The following ARL10 variants were observed in gnomAD, a reference collection of about 807,000 sequenced individuals.
ARL10 encodes the protein ARF like GTPase 10.
A neutral mutation model predicts 26.1 loss-of-function variants in ARL10; 23 were observed. That is an observed-to-expected ratio of 0.88 (90% CI 0.63 to 1.25). ARL10 has a LOEUF of 1.25. Among genes scored for constraint, ARL10 ranks in the 50% most tolerant of loss-of-function variants. ARL10 has a pLI of 0.00. For synonymous variants in ARL10, 138 were observed against 149.1 expected (o/e 0.93, Z 0.54); for missense variants, 300 against 323.6 (o/e 0.93, Z 0.56).
At chr5:176,407,495 G>C in the ARL10 span, 1 of 152,138 alleles carries the variant, frequency 6.6e-6, no homozygotes, top group Non-Finnish European at 1.5e-5. Flanking sequence ...GTAGAGACAG[G>C]GTTTCTCCAT....
the ARL10 span, among the ~76,000 whole-genome samples, chr5:176,413,219 C>T: frequency 1.3e-5 from 2 of 152,174 alleles, no homozygotes; most frequent in Admixed American, 6.5e-5. Flanking sequence ...GACAGAGACA[C>T]GTCCCAGGGA....
chr5:176,402,357 C>G (rs1291160986), downstream of ARL10, among the ~76,000 whole-genome samples: 6 of 152,154 alleles, frequency 3.9e-5, no homozygotes, highest in Non-Finnish European at 8.8e-5. Flanking sequence ...ATGGCTAGAA[C>G]AAAATTCAAG....
At chr5:176,405,809 C>T (rs1034602857), downstream of ARL10, 20 of 152,086 alleles carry the variant, frequency 1.3e-4, no homozygotes, top group African/African-American at 4.3e-4. Flanking sequence ...CCCTGGGCAG[C>T]TTGGCTTTCA....
the ARL10 span, among the ~76,000 whole-genome samples, chr5:176,409,899 G>A: frequency 2.0e-5 from 3 of 152,256 alleles, no homozygotes; most frequent in South Asian, 2.1e-4. Flanking sequence ...CAAAGGGCCC[G>A]CCCTGTGTGT....
chr5:176,409,563 G>A, the ARL10 span, among the ~76,000 whole-genome samples: 1 of 151,892 alleles, frequency 6.6e-6, no homozygotes, highest in African/African-American at 2.4e-5. Flanking sequence ...ACAGGCACCT[G>A]CCACAATGAC....
chr5:176,365,863 G>A, intron 1 of ARL10, 117 bp downstream of exon 1: 4 of 1,117,646 alleles, frequency 3.6e-6, no homozygotes, highest in Non-Finnish European at 3.4e-6. Flanking sequence ...TTGGGGGGTC[G>A]AGGGCTTGGC....
chr5:176,367,002 CTTTTTTTTTTTTT>C (rs67066126), intron 2 of ARL10, among the ~76,000 whole-genome samples: 1 of 106,522 alleles, frequency 9.4e-6, no homozygotes, highest in Non-Finnish European at 1.8e-5. Flanking sequence ...CCTTTCTAGT[CTTTTTTTTTTTTT>C]TTTTTTTTTT....
chr5:176,366,692 A>G (rs936632024), intron 2 of ARL10, 111 bp downstream of exon 2: 42 of 1,272,618 alleles, frequency 3.3e-5, no homozygotes, highest in Non-Finnish European at 4.5e-5. Context: ...ATTCCCCTCT[A>G]CGAATCCTTC....
In ARL10 at chr5:176,372,735, G is replaced by A. The variant is rs565434850; in HGVS notation, c.*840G>A. 8.1e-5 allele frequency: 32 copies of A among 396,426 alleles called. No homozygotes were observed. The highest frequency in any genetic ancestry group is 1.2e-4 in the Non-Finnish European group (28 of 225,100). The allele number at this position is 396,426 out of a possible 1,614,324, so 24.6% of individuals were successfully genotyped here. A position where few individuals can be genotyped will look rare whatever the true frequency, so the allele number is the denominator to read the frequency against. On this transcript the variant is annotated 3_prime_UTR_variant, in exon 4 of 4. Transcript: ENST00000310389. Reference sequence around the variant, plus strand: ...GTTTACAGAAGTCAGGGGAAGGAAGGAGCCTGTGTCCCTGGGACGACAGTC... The same window carrying A: ...GTTTACAGAAGTCAGGGGAAGGAAGAAGCCTGTGTCCCTGGGACGACAGTC...
At position 176,368,282 on chromosome 5, in the gene ARL10, G is replaced by A. The variant is rs1031690317; in HGVS notation, c.386-525G>A. Among the ~76,000 whole-genome samples, 2 of 152,162 alleles carry A rather than the reference G, an allele frequency of 1.3e-5. No homozygotes were observed. Among genetic ancestry groups the A allele is most frequent in the Non-Finnish European group, 1.5e-5 (1 of 68,032 alleles). On this transcript the variant is annotated intron_variant, in intron 2 of 3. Coordinates refer to ENST00000310389, the MANE Select transcript of ARL10 (RefSeq NM_173664.6). This position sits in a 1 kb window ranked among gnomAD's most constrained non-coding sequence, Gnocchi z 4.1. Reference sequence around the variant, plus strand: ...ATGGAGAATGGCTGTGTATAGGCAGGGCAGGGGGTCCTGAGTTTTCTAGAC... The same window carrying A: ...ATGGAGAATGGCTGTGTATAGGCAGAGCAGGGGGTCCTGAGTTTTCTAGAC...
In ARL10 at chr5:176,377,982, G is replaced by C. The variant is rs558313595; in HGVS notation, c.*6087G>C. Reference sequence around the variant, plus strand: ...TTATCCTCTTGCCCAGGCTGGTCTTGAACTCCTGGGCTCAAGCTGTCAGTC... The same window carrying C: ...TTATCCTCTTGCCCAGGCTGGTCTTCAACTCCTGGGCTCAAGCTGTCAGTC... On this transcript the variant is annotated 3_prime_UTR_variant, in exon 4 of 4. Coordinates refer to ENST00000310389, the MANE Select transcript of ARL10 (RefSeq NM_173664.6). The surrounding 1 kb of genome is among the most constrained non-coding windows in gnomAD (Gnocchi z 4.5). 6.6e-6 allele frequency: 1 copy of C among 152,292 alleles called. No homozygotes were observed. Among genetic ancestry groups the C allele is most frequent in the Admixed American group, 6.5e-5 (1 of 15,292 alleles). The allele number at this position is 152,292 out of a possible 1,614,324, so 9.4% of individuals were successfully genotyped here.
In ARL10 at chr5:176,366,430, C is replaced by T. The variant is rs1454452500; in HGVS notation, c.234C>T (p.Arg78=). The T allele has an allele frequency of 6.2e-7, 1 of 1,612,968 alleles. No homozygotes were observed. The highest frequency in any genetic ancestry group is 1.1e-5 in the South Asian group (1 of 91,008). The change falls in exon 2 of 4, where the codon CGC becomes CGT. Residue 78 remains arginine, a synonymous_variant. Coordinates refer to ENST00000310389, the MANE Select transcript of ARL10 (RefSeq NM_173664.6). ...EEPALEELEQ[R]EVLVLGLDGA... ...CGGCGCTGGAGGAGCTGGAACAGCG[C>T]GAGGTGCTGGTGCTGGGGCTGGATG...
rs1756429894 is a variant in ARL10 at position 176,394,682 on chromosome 5, GC to G, written c.134-7058del. Reference sequence around the variant, plus strand: ...TACACAAAATTAGCCGGGCATGGTGGCGGGCACCTGTAGTCCCAGCTACTCA... The same window carrying G: ...TACACAAAATTAGCCGGGCATGGTGGGGGCACCTGTAGTCCCAGCTACTCA... On this transcript the variant is annotated intron_variant, in intron 1 of 1. Coordinates refer to the ARL10 transcript ENST00000514533. Among the ~76,000 whole-genome samples, 13 of 152,274 alleles carry G rather than the reference GC, an allele frequency of 8.5e-5. No homozygotes were observed. In the South Asian group the frequency reaches 2.5e-3, roughly 29 times the overall value.
At chr5:176,392,615 C>G, downstream of ARL10, 1 of 734,988 alleles carries the variant, frequency 1.4e-6, no homozygotes, top group Non-Finnish European at 2.2e-6. This position sits in a 1 kb window ranked among gnomAD's most constrained non-coding sequence, Gnocchi z 5.2. Flanking sequence ...GGGAGCGAGG[C>G]GTGATGGGGT....
At chr5:176,399,677 T>C (rs1397630378) in intron 1 of ARL10, among the ~76,000 whole-genome samples, 2 of 152,090 alleles carry the variant, frequency 1.3e-5, no homozygotes, top group Non-Finnish European at 2.9e-5. Flanking sequence ...GCAGATCACT[T>C]GAGGCCAGGA....
At chr5:176,387,084 T>C in intron 1 of ARL10, 1 of 587,790 alleles carries the variant, frequency 1.7e-6, no homozygotes, top group South Asian at 2.1e-5. Flanking sequence ...CTCTCTTTTT[T>C]TTTTTCTTTT....
chr5:176,414,494 T>C, the ARL10 span, among the ~76,000 whole-genome samples: 1 of 149,958 alleles, frequency 6.7e-6, no homozygotes, highest in Non-Finnish European at 1.5e-5. Context: ...TACAGAGACG[T>C]GATCACAGCA....
downstream of ARL10, chr5:176,389,627 C>A: frequency 2.0e-6 from 2 of 1,015,520 alleles, no homozygotes; most frequent in Non-Finnish European, 2.8e-6. Flanking sequence ...AGGAAGTGAC[C>A]CTTTGTGTAA....
chr5:176,379,259 C>T lies in ARL10; in HGVS notation c.*7364C>T, dbSNP rs1442552115. 1.3e-5 allele frequency: 2 copies of T among 152,148 alleles called. No homozygotes were observed. The highest frequency in any genetic ancestry group is 1.3e-4 in the Admixed American group (2 of 15,260). The allele number at this position is 152,148 out of a possible 1,614,324, so 9.4% of individuals were successfully genotyped here. A position where few individuals can be genotyped will look rare whatever the true frequency, so the allele number is the denominator to read the frequency against. On this transcript the variant is annotated 3_prime_UTR_variant, in exon 4 of 4. Coordinates refer to ENST00000310389, the MANE Select transcript of ARL10 (RefSeq NM_173664.6). ...TCTCAGCTCGCTGCAATCTCCGCCT[C>T]CCAGGTTCAAGTGATTCTCCTGCAT... is the stretch of plus-strand genomic sequence containing the variant.
Sources: allele counts gnomAD v4.1 joint callset (sites outside exome capture counted in the v4.1 genomes callset), GRCh38; gene constraint gnomAD v4.1.1; non-coding constraint Gnocchi (gnomAD v3.1); transcripts MANE v1.5; gene names NCBI Gene and HGNC (gene_info 2026-07-23, HGNC 2026-07-21).